Variants in CLEC12A observed in about 807,000 individuals in gnomAD.
CLEC12A encodes C-type lectin domain family 12 member A.
A neutral mutation model predicts 26.5 loss-of-function variants in CLEC12A; 22 were observed. The ratio of observed to expected loss-of-function variants is 0.83; its 90% CI spans 0.59 to 1.19. The LOEUF (loss-of-function observed/expected upper bound fraction) is 1.19. Among genes scored for constraint, CLEC12A ranks in the 50% most tolerant of loss-of-function variants. CLEC12A has a pLI of 0.00. For missense variants in CLEC12A, 353 were observed against 315.6 expected (o/e 1.12, Z -0.90); for synonymous variants, 119 against 101.9 (o/e 1.17, Z -1.01).
At chr12:9,951,648 A>C (rs1863611542) in intron 1 of CLEC12A, 3 of 430,006 alleles carry the variant, frequency 7.0e-6, no homozygotes, top group Non-Finnish European at 1.3e-5. Context: ...AAAGCAACTC[A>C]ACTGTTTCAG....
chr12:9,993,530 G>A (rs1864949464), intron 4 of CLEC12A, among the ~76,000 whole-genome samples: 1 of 152,046 alleles, frequency 6.6e-6, no homozygotes, highest in Non-Finnish European at 1.5e-5. Context: ...GGAACAGTAG[G>A]TACAATAGGA....
At chr12:9,978,435 C>T (rs566229) in intron 1 of CLEC12A, among the ~76,000 whole-genome samples, 83,630 of 137,256 alleles carry the variant, frequency 0.61, 22,952 homozygotes, top group East Asian at 0.83. Flanking sequence ...CAAAAGCTAA[C>T]GGGAGGACAC....
At chr12:9,970,709 T>A (rs1016722573), upstream of CLEC12A, among the ~76,000 whole-genome samples, 11 of 152,082 alleles carry the variant, frequency 7.2e-5, no homozygotes, top group Non-Finnish European at 4.4e-5. Context: ...TGTAGAGAGA[T>A]AGCAAGGCTG....
At chr12:9,951,507 T>G in intron 1 of CLEC12A, 2 of 655,512 alleles carry the variant, frequency 3.1e-6, no homozygotes, top group Non-Finnish European at 5.6e-6. Context: ...TGGGGCTTGT[T>G]AGTAATTGAG....
intron 1 of CLEC12A, among the ~76,000 whole-genome samples, chr12:9,975,665 G>T (rs1864306372): frequency 6.6e-6 from 1 of 152,200 alleles, no homozygotes; most frequent in Admixed American, 6.5e-5. Context: ...TTTCTGAGGA[G>T]AAATTCAAGC....
downstream of CLEC12A, among the ~76,000 whole-genome samples, chr12:9,989,782 G>A (rs1264317783): frequency 6.6e-6 from 1 of 152,208 alleles, no homozygotes; most frequent in African/African-American, 2.4e-5. Context: ...TATACCTAGA[G>A]AGGAAAAGTC....
intron 4 of CLEC12A, among the ~76,000 whole-genome samples, chr12:9,981,525 T>C (rs1864557044): frequency 1.3e-5 from 2 of 152,278 alleles, no homozygotes; most frequent in Non-Finnish European, 2.9e-5. Context: ...CACAGTTACT[T>C]ACTCTAGAAA....
At chr12:10,005,649 T>C in the CLEC12A span, among the ~76,000 whole-genome samples, 1 of 152,234 alleles carries the variant, frequency 6.6e-6, no homozygotes, top group Admixed American at 6.5e-5. Flanking sequence ...TTTGTCTGTC[T>C]TCATAGTGCT....
At chr12:9,966,445 G>T (rs971587897), upstream of CLEC12A, among the ~76,000 whole-genome samples, 3 of 152,186 alleles carry the variant, frequency 2.0e-5, no homozygotes, top group African/African-American at 7.2e-5. Flanking sequence ...TTCCAGTGGG[G>T]TCTTGCACAG....
intron 1 of CLEC12A, among the ~76,000 whole-genome samples, chr12:9,958,322 G>A (rs1333598565): frequency 6.6e-6 from 1 of 152,210 alleles, no homozygotes; most frequent in Non-Finnish European, 1.5e-5. Flanking sequence ...CGGGCACACA[G>A]GAGGTTATTC....
chr12:9,959,747 A>C (rs1280034988), intron 1 of CLEC12A, among the ~76,000 whole-genome samples: 1 of 152,182 alleles, frequency 6.6e-6, no homozygotes, highest in African/African-American at 2.4e-5. Context: ...CTCAGTTTCC[A>C]AGAGATAAAT....
intron 1 of CLEC12A, among the ~76,000 whole-genome samples, chr12:9,976,230 A>G (rs936618685): frequency 6.6e-6 from 1 of 152,130 alleles, no homozygotes; most frequent in African/African-American, 2.4e-5. Context: ...AGAATGGTAG[A>G]TCCACTGACA....
chr12:9,979,584 T>C, intron 3 of CLEC12A, 60 bp downstream of exon 3: 1 of 1,271,894 alleles, frequency 7.9e-7, no homozygotes, highest in Non-Finnish European at 1.1e-6. Context: ...CTGAGTCTCT[T>C]AAGAATCATT....
chr12:9,993,199 G>A, intron 4 of CLEC12A: 1 of 1,612,796 alleles, frequency 6.2e-7, no homozygotes, highest in Non-Finnish European at 8.5e-7. Context: ...ATTAAATAAT[G>A]TTTGTTCTCA....
chr12:9,969,674 C>G (rs1335575449), upstream of CLEC12A, among the ~76,000 whole-genome samples: 2 of 152,156 alleles, frequency 1.3e-5, no homozygotes, highest in Admixed American at 6.5e-5. Flanking sequence ...GAACACAGAA[C>G]AGGACTCTGC....
the CLEC12A span, among the ~76,000 whole-genome samples, chr12:10,004,138 G>C: frequency 9.2e-5 from 14 of 152,252 alleles, no homozygotes; most frequent in East Asian, 1.9e-3. Flanking sequence ...TGAGCACTTT[G>C]GGCTGTGGCC....
rs2137211806 is a variant in CLEC12A, at chr12:9,985,187, C to T, written c.*161C>T. The T allele has an allele frequency of 1.4e-6, 1 of 726,480 alleles. No homozygotes were observed. The highest frequency in any genetic ancestry group is 4.3e-4 in the Middle Eastern group (1 of 2,340). 45.0% of individuals were successfully genotyped at this position (726,480 alleles called of 1,614,324 possible). On this transcript the variant is annotated 3_prime_UTR_variant, in exon 6 of 6. Transcript: ENST00000304361. ...GGTAGCAAGCTTCAGAGAGAATAGA[C>T]TGTGAATGTTAATGCCAGAGAGGTA...
At chr12:9,970,200 C>T (rs984255848), upstream of CLEC12A, among the ~76,000 whole-genome samples, 1 of 145,356 alleles carries the variant, frequency 6.9e-6, no homozygotes, top group African/African-American at 2.5e-5. Flanking sequence ...CGCTTCTAAT[C>T]CCACAGCATG....
intron 4 of CLEC12A, among the ~76,000 whole-genome samples, chr12:9,994,543 A>G (rs1864983751): frequency 6.6e-6 from 1 of 152,108 alleles, no homozygotes; most frequent in South Asian, 2.1e-4. Flanking sequence ...CAGATTGGAA[A>G]GCCATATAGG....
Sources: allele counts gnomAD v4.1 joint callset (sites outside exome capture counted in the v4.1 genomes callset), GRCh38; gene constraint gnomAD v4.1.1; transcripts MANE v1.5; gene names NCBI Gene and HGNC (gene_info 2026-07-23, HGNC 2026-07-21).